Variants in UBE2E2 observed in about 807,000 individuals in gnomAD.
UBE2E2 encodes ubiquitin conjugating enzyme E2 E2.
A neutral mutation model predicts 24.7 loss-of-function variants in UBE2E2; 6 were observed. The observed-to-expected ratio is 0.24, with a 90% confidence interval of 0.13 to 0.48. The LOEUF is 0.48. UBE2E2 is among the 20% of genes least tolerant of loss of function. The probability of loss-of-function intolerance (pLI) is 0.99; values close to 1 mark genes in which losing one functional copy is unlikely to be tolerated. For synonymous variants in UBE2E2, 104 were observed against 83.6 expected (o/e 1.24, Z -1.33); for missense variants, 169 against 245.0 (o/e 0.69, Z 2.07).
At chr3:23,388,279 C>T (rs537635820) in intron 3 of UBE2E2, among the ~76,000 whole-genome samples, 1 of 152,288 alleles carries the variant, frequency 6.6e-6, no homozygotes, top group African/African-American at 2.4e-5. Context: ...TTATCATAGA[C>T]AGTGAAATAT....
In UBE2E2 at chr3:23,590,277, C is replaced by T. The variant is rs1336460268; in HGVS notation, c.*446C>T. On this transcript the variant is annotated 3_prime_UTR_variant, in exon 6 of 6. Coordinates refer to ENST00000396703, the MANE Select transcript of UBE2E2 (RefSeq NM_152653.4). ...CATTCAGAATTATATCTCGTTTCTA[C>T]TTAAATGTAGTGCTTAGGGTTAATT... The T allele has an allele frequency of 6.3e-6, 1 of 158,128 alleles. No individual in the cohort carries two copies. Among genetic ancestry groups the T allele is most frequent in the South Asian group, 1.9e-4 (1 of 5,312 alleles). The allele number at this position is 158,128 out of a possible 1,614,324, so 9.8% of individuals were successfully genotyped here.
intron 3 of UBE2E2, among the ~76,000 whole-genome samples, chr3:23,475,688 A>G (rs1472021432): frequency 4.6e-5 from 7 of 152,078 alleles, no homozygotes; most frequent in Non-Finnish European, 1.0e-4. Context: ...AGATGGAAGC[A>G]TACTCTTGGG....
intron 3 of UBE2E2, among the ~76,000 whole-genome samples, chr3:23,262,308 T>A (rs1273288533): frequency 6.6e-6 from 1 of 151,924 alleles, no homozygotes; most frequent in Non-Finnish European, 1.5e-5. Context: ...AGAAACAGAG[T>A]CGTGGTCTTT....
chr3:23,415,023 A>T (rs991130930), intron 3 of UBE2E2, among the ~76,000 whole-genome samples: 2 of 152,234 alleles, frequency 1.3e-5, no homozygotes, highest in African/African-American at 4.8e-5. Flanking sequence ...TTTTGTGTGC[A>T]ACTCAAGAGG....
chr3:23,416,853 C>T (rs187968427), intron 3 of UBE2E2, among the ~76,000 whole-genome samples: 68 of 152,220 alleles, frequency 4.5e-4, no homozygotes, highest in African/African-American at 1.6e-3. Flanking sequence ...GCTATTGATA[C>T]TTGTGTATGC....
rs1398642995 is a variant in UBE2E2 at position 23,297,506 on chromosome 3, G to C, written c.227+80194G>C. On this transcript the variant is annotated intron_variant, in intron 3 of 5. Coordinates refer to ENST00000396703, the MANE Select transcript of UBE2E2 (RefSeq NM_152653.4). ...TTTGTATAAGGTGTAAGGAAGGGAT[G>C]CAGTTTCAGCTTTCTACCTATGGGT... 5.9e-5 allele frequency among the ~76,000 whole-genome samples: 9 copies of C among 152,292 alleles called. No individual in the cohort carries two copies. The South Asian group carries it at 1.0e-3, about 18-fold the overall frequency.
chr3:23,543,380 G>T (rs560023071), intron 5 of UBE2E2, among the ~76,000 whole-genome samples: 1 of 152,072 alleles, frequency 6.6e-6, no homozygotes, highest in African/African-American at 2.4e-5. Flanking sequence ...TACAAAATCA[G>T]TGTACACAAA....
intron 3 of UBE2E2, among the ~76,000 whole-genome samples, chr3:23,362,031 C>T (rs552091442): frequency 5.3e-5 from 8 of 152,070 alleles, no homozygotes; most frequent in Admixed American, 1.3e-4. Context: ...CTCCTTAAAA[C>T]GAATTCACTT....
chr3:23,541,482 T>A (rs1033357469), intron 5 of UBE2E2, among the ~76,000 whole-genome samples: 2 of 152,234 alleles, frequency 1.3e-5, no homozygotes, highest in Non-Finnish European at 2.9e-5. Flanking sequence ...CATGTCATAT[T>A]GGTGAATAAT....
At chr3:23,366,640 G>T (rs779992362) in intron 3 of UBE2E2, among the ~76,000 whole-genome samples, 18 of 151,892 alleles carry the variant, frequency 1.2e-4, no homozygotes, top group Non-Finnish European at 2.5e-4. Flanking sequence ...AGGAGGGAGG[G>T]GATTGAAAAA....
At chr3:23,564,965 G>T (rs1696031810) in intron 5 of UBE2E2, among the ~76,000 whole-genome samples, 1 of 152,150 alleles carries the variant, frequency 6.6e-6, no homozygotes, top group Non-Finnish European at 1.5e-5. Flanking sequence ...AGGTGCAGTT[G>T]TGTGCCAGAC....
intron 3 of UBE2E2, among the ~76,000 whole-genome samples, chr3:23,416,352 T>A (rs994316054): frequency 4.6e-5 from 7 of 152,218 alleles, no homozygotes; most frequent in African/African-American, 1.7e-4. Flanking sequence ...TGAAAATTCC[T>A]TTTTTTAAGA....
intron 5 of UBE2E2, among the ~76,000 whole-genome samples, chr3:23,551,830 G>A (rs756504198): frequency 2.0e-5 from 3 of 152,198 alleles, no homozygotes; most frequent in Non-Finnish European, 2.9e-5. Context: ...GGACTGAACT[G>A]TGTTCTCCCC....
intron 3 of UBE2E2, among the ~76,000 whole-genome samples, chr3:23,395,234 C>G (rs1021985099): frequency 1.2e-4 from 19 of 152,304 alleles, no homozygotes; most frequent in African/African-American, 4.6e-4. Context: ...AGCCAAACAA[C>G]AGAAAATCCA....
chr3:23,351,660 G>A (rs1311923214), intron 3 of UBE2E2, among the ~76,000 whole-genome samples: 1 of 152,050 alleles, frequency 6.6e-6, no homozygotes, highest in African/African-American at 2.4e-5. Context: ...ATGGTAAAGG[G>A]ATCAATTCAA....
intron 3 of UBE2E2, chr3:23,449,895 C>T (rs913656714): frequency 6.1e-6 from 6 of 985,322 alleles, no homozygotes; most frequent in Non-Finnish European, 7.2e-6. Flanking sequence ...CCCACCAGTG[C>T]GGAGGCCCCA....
At chr3:23,462,398 G>T (rs545378777) in intron 3 of UBE2E2, among the ~76,000 whole-genome samples, 156 of 152,126 alleles carry the variant, frequency 1.0e-3, no homozygotes, top group Non-Finnish European at 1.8e-3. Context: ...TACTTTAAAA[G>T]CCCAGTGCAT....
intron 4 of UBE2E2, among the ~76,000 whole-genome samples, chr3:23,508,986 C>G (rs752480622): frequency 2.2e-4 from 34 of 152,120 alleles, no homozygotes; most frequent in African/African-American, 7.2e-4. Context: ...ACAAGTGATA[C>G]CCTCCCCTCA....
chr3:23,432,671 A>G (rs1228978627), intron 3 of UBE2E2, among the ~76,000 whole-genome samples: 4 of 151,850 alleles, frequency 2.6e-5, no homozygotes, highest in South Asian at 2.1e-4. Flanking sequence ...GGTTTTCTCA[A>G]TTTTGGGCAT....
Sources: allele counts gnomAD v4.1 joint callset (sites outside exome capture counted in the v4.1 genomes callset), GRCh38; gene constraint gnomAD v4.1.1; transcripts MANE v1.5; gene names NCBI Gene and HGNC (gene_info 2026-07-23, HGNC 2026-07-21).